The following TENM4 variants were observed in gnomAD, a reference collection of about 807,000 sequenced individuals.
The protein encoded by TENM4 is teneurin transmembrane protein 4, also known as teneurin-4.
TENM4 carries 82 observed loss-of-function variants against 243.3 expected under a neutral mutation model. The observed-to-expected ratio is 0.34, with a 90% CI of 0.28 to 0.40. TENM4 has a LOEUF of 0.40. Ranked by LOEUF, TENM4 falls within the 10% of genes least tolerant of loss-of-function variation. TENM4 has a pLI of 1.00. For synonymous variants in TENM4, 1,412 were observed against 1,456.3 expected, an observed-to-expected ratio of 0.97 and a Z score of 0.69; for missense variants, 3,138 against 3,673.3, an observed-to-expected ratio of 0.85 and a Z score of 3.77.
At chr11:79,271,375 C>T (rs762399142) in intron 2 of TENM4, among the ~76,000 whole-genome samples, 9 of 152,198 alleles carry the variant, frequency 5.9e-5, no homozygotes, top group Non-Finnish European at 8.8e-5. Context: ...CCACTTGCTC[C>T]TCTAGGTTCT....
At position 78,653,420 on chromosome 11, in the gene TENM4, T is replaced by C. The variant is rs1249160586; in HGVS notation, c.*4638A>G. ...CTTGTTGGTATTTACACAGTCAAGATACAGTGTTAGAAACACAAAAGTGTT... is the reference window on the plus strand; with the variant it reads ...CTTGTTGGTATTTACACAGTCAAGACACAGTGTTAGAAACACAAAAGTGTT... On this transcript the variant is annotated 3_prime_UTR_variant, in exon 34 of 34. Coordinates refer to ENST00000278550, the MANE Select transcript of TENM4 (RefSeq NM_001098816.3). 3 of 152,294 alleles carry C rather than the reference T, an allele frequency of 2.0e-5. No homozygotes were observed. The highest frequency in any genetic ancestry group is 2.1e-4 in the South Asian group (1 of 4,826). The allele number at this position is 152,294 out of a possible 1,614,324, so 9.4% of individuals were successfully genotyped here.
At chr11:79,348,290 C>T (rs928135085) in intron 1 of TENM4, among the ~76,000 whole-genome samples, 2 of 152,062 alleles carry the variant, frequency 1.3e-5, no homozygotes, top group African/African-American at 4.8e-5. Context: ...GCCATGGTGC[C>T]CAACTGTATG....
In TENM4 at chr11:78,893,780, T is replaced by TACAC. The variant is rs368536086; in HGVS notation, c.750-2448_750-2445dup. 2.5e-3 allele frequency among the ~76,000 whole-genome samples: 358 copies of TACAC among 142,742 alleles called. 1 individual carries two copies. Among genetic ancestry groups the TACAC allele is most frequent in the East Asian group, 0.021 (107 of 5,040 alleles). 93.6% of individuals were successfully genotyped at this position (142,742 alleles called of 152,430 possible). On this transcript the variant is annotated intron_variant, in intron 7 of 33. Coordinates refer to ENST00000278550, the MANE Select transcript of TENM4 (RefSeq NM_001098816.3). The stretch of plus-strand genomic sequence containing the variant: ...TGTACTGATTTTTCAGGACTTCACA[T>TACAC]ACACACACACACACACACACTCCTC...
At chr11:79,204,544 T>A (rs1359812146) in intron 3 of TENM4, among the ~76,000 whole-genome samples, 1 of 152,172 alleles carries the variant, frequency 6.6e-6, no homozygotes. Flanking sequence ...AACAGTAGGA[T>A]ACCATTTCAT....
intron 6 of TENM4, among the ~76,000 whole-genome samples, chr11:78,980,051 G>C (rs952882893): frequency 2.6e-5 from 4 of 152,204 alleles, no homozygotes. Context: ...TAAATTTAAA[G>C]AAGGTTAAGT....
chr11:78,897,014 T>C (rs1339315650), intron 7 of TENM4, among the ~76,000 whole-genome samples: 2 of 152,142 alleles, frequency 1.3e-5, no homozygotes, highest in Non-Finnish European at 2.9e-5. Context: ...GTTGCCACCA[T>C]TAACTGACGA....
At chr11:78,806,794 C>A (rs148683630) in intron 14 of TENM4, among the ~76,000 whole-genome samples, 251 of 152,324 alleles carry the variant, frequency 1.6e-3, no homozygotes, top group African/African-American at 5.7e-3. Context: ...TCACCACTGT[C>A]TCCAGAACTC....
chr11:78,661,031 G>A (rs1314330379), intron 33 of TENM4, among the ~76,000 whole-genome samples: 4 of 152,194 alleles, frequency 2.6e-5, no homozygotes, highest in African/African-American at 7.2e-5. Context: ...GCACGAGTCT[G>A]TAAAATGAGA....
chr11:79,154,291 A>G (rs750902808), intron 3 of TENM4, among the ~76,000 whole-genome samples: 1 of 151,548 alleles, frequency 6.6e-6, no homozygotes, highest in African/African-American at 2.4e-5. Context: ...AGAGGGAGTG[A>G]GAGAGAGAGA....
At chr11:79,224,973 A>G (rs1370434785) in intron 2 of TENM4, among the ~76,000 whole-genome samples, 1 of 151,578 alleles carries the variant, frequency 6.6e-6, no homozygotes, top group East Asian at 1.9e-4. Context: ...GGGAGGGGGG[A>G]AATTAGGACA....
chr11:79,043,588 A>G (rs1283056854), intron 6 of TENM4, among the ~76,000 whole-genome samples: 2 of 152,222 alleles, frequency 1.3e-5, no homozygotes, highest in African/African-American at 2.4e-5. Context: ...TCACTGCACC[A>G]TAAATTAACC....
intron 10 of TENM4, among the ~76,000 whole-genome samples, chr11:78,860,357 A>G (rs1858786830): frequency 6.6e-6 from 1 of 152,204 alleles, no homozygotes; most frequent in African/African-American, 2.4e-5. Flanking sequence ...TAAGTGCCAT[A>G]AGTTAACAGA....
chr11:78,767,552 A>G (rs1049228238), intron 18 of TENM4, among the ~76,000 whole-genome samples: 1 of 152,216 alleles, frequency 6.6e-6, no homozygotes, highest in Non-Finnish European at 1.5e-5. Flanking sequence ...TGTGATTATG[A>G]TGTGTGTGAT....
chr11:78,894,242 C>G (rs369392678), intron 7 of TENM4, among the ~76,000 whole-genome samples: 9 of 152,134 alleles, frequency 5.9e-5, no homozygotes, highest in Admixed American at 4.6e-4. Context: ...TGCTGCCCCC[C>G]GGGACCTGAG....
In TENM4 at chr11:78,670,307, T is replaced by C; in HGVS notation, c.6038A>G (p.Lys2013Arg). 1.9e-6 allele frequency: 3 copies of C among 1,613,924 alleles called. No individual in the cohort carries two copies. In the South Asian group the frequency reaches 3.3e-5, roughly 18 times the overall value. Residue 2013 changes from lysine to arginine, a missense_variant, in exon 32 of 34, where the codon AAG becomes AGG. Physicochemically the swap from Lys to Arg is conservative, Grantham distance 26. Around this residue, in one of 2 missense-constraint regions of TENM4, gnomAD observed 2,467 missense variants for 3,059.1 expected, o/e 0.81. Transcript: ENST00000278550. ...TGCCAGCTTTGACAGTTTGCCATAC[T>C]TGTATATCACCCTGCGGCCAGTGCC... ...YLGTGRRVIYKYGKLSKLAET... is the reference protein window; with the variant it reads ...YLGTGRRVIYRYGKLSKLAET...
At position 79,438,392 on chromosome 11, in the gene TENM4, C is replaced by A. The variant is rs1859323189; in HGVS notation, c.-321+2117G>T. 6.6e-6 allele frequency among the ~76,000 whole-genome samples: 1 copy of A among 152,208 alleles called. No homozygotes were observed. The highest frequency in any genetic ancestry group is 1.5e-5 in the Non-Finnish European group (1 of 68,044). On this transcript the variant is annotated intron_variant, in intron 1 of 33. Transcript: ENST00000278550. This position sits in a 1 kb window ranked among gnomAD's most constrained non-coding sequence, Gnocchi z 4.1. The stretch of plus-strand genomic sequence containing the variant: ...AGAAGCAAACTGCTGTCTGCAGAGG[C>A]GAGAGGCGAAGGAACGGAAGCCATA...
intron 6 of TENM4, among the ~76,000 whole-genome samples, chr11:79,059,932 C>T (rs1860043836): frequency 2.0e-5 from 3 of 152,222 alleles, no homozygotes; most frequent in African/African-American, 7.2e-5. Flanking sequence ...TGCAACACTG[C>T]CTGCTGCACC....
chr11:79,263,993 T>C (rs1438271392), intron 2 of TENM4, among the ~76,000 whole-genome samples: 2 of 152,232 alleles, frequency 1.3e-5, no homozygotes, highest in Non-Finnish European at 2.9e-5. Flanking sequence ...AGTGGACCTA[T>C]GCAGTTCAAA....
chr11:79,019,696 A>G (rs547020692), intron 6 of TENM4, among the ~76,000 whole-genome samples: 7 of 152,314 alleles, frequency 4.6e-5, no homozygotes, highest in African/African-American at 1.4e-4. Flanking sequence ...GAGGCTACAA[A>G]GGCAAATAAG....
Sources: allele counts gnomAD v4.1 joint callset (sites outside exome capture counted in the v4.1 genomes callset), GRCh38; gene constraint gnomAD v4.1.1; regional missense constraint gnomAD v4.1.1; non-coding constraint Gnocchi (gnomAD v3.1); transcripts MANE v1.5; gene names NCBI Gene and HGNC (gene_info 2026-07-23, HGNC 2026-07-21).